Variants in EML2 observed in about 807,000 individuals in gnomAD.
The protein encoded by EML2 is EMAP like 2, also known as echinoderm microtubule-associated protein-like 2.
A neutral mutation model predicts 84.7 loss-of-function variants in EML2; 59 were observed. That is an observed-to-expected ratio of 0.70 (90% CI 0.56 to 0.86). The LOEUF is 0.86. Among genes scored for constraint, EML2 ranks in the 40% least tolerant of loss-of-function variants. The pLI is 0.00. For missense variants in EML2, 818 were observed against 855.6 expected (o/e 0.96, Z 0.55); for synonymous variants, 352 against 348.9 (o/e 1.01, Z -0.10).
At chr19:45,642,359 G>C (rs1365083401), upstream of EML2, 1 of 1,528,198 alleles carries the variant, frequency 6.5e-7, no homozygotes, top group Non-Finnish European at 8.8e-7. Context: ...TCATCTGGAA[G>C]ACGGGGGAGT....
Position 45,609,508 on chromosome 19 carries a change from C to T in EML2, c.*155G>A, listed in dbSNP as rs548970502. The T allele has an allele frequency of 6.0e-5, 51 of 846,912 alleles. No individual in the cohort carries two copies. Among genetic ancestry groups the T allele is most frequent in the African/African-American group, 1.2e-4 (7 of 56,334 alleles). 52.5% of individuals were successfully genotyped at this position (846,912 alleles called of 1,614,324 possible). On this transcript the variant is annotated 3_prime_UTR_variant, in exon 19 of 19. Coordinates refer to ENST00000245925, the MANE Select transcript of EML2 (RefSeq NM_012155.4). ...AGCGATGTGACTCCCTCTTCCCACC[C>T]GGATAAATAGAGACTTCTGTATGTC... is the stretch of plus-strand genomic sequence containing the variant.
At position 45,613,656 on chromosome 19, in the gene EML2, C is replaced by T; in HGVS notation, c.1709G>A (p.Gly570Glu). 1 of 1,613,798 alleles carries T rather than the reference C, an allele frequency of 6.2e-7. No individual in the cohort carries two copies. Among genetic ancestry groups the T allele is most frequent in the Admixed American group, 1.7e-5 (1 of 59,986 alleles). ...GFGVFGIWSE[G>E]ADGTDINAVA... ...AGCGTTGATATCAGTGCCGTCCGCCCCCTCAGACCAGATCCCTGTGGGCAA... is the reference window on the plus strand; with the variant it reads ...AGCGTTGATATCAGTGCCGTCCGCCTCCTCAGACCAGATCCCTGTGGGCAA... The change falls in exon 18 of 19, where the codon GGG (glycine) becomes GAG (glutamate). Residue 570 changes from glycine (G) to glutamate (E), a missense_variant. Gly to Glu is a moderately conservative substitution (Grantham distance 98). Transcript: ENST00000245925.
intron 12 of EML2, 109 bp downstream of exon 12, chr19:45,618,951 A>T: frequency 3.1e-6 from 1 of 323,364 alleles, no homozygotes; most frequent in Non-Finnish European, 4.6e-6. Context: ...CACCTCGAAG[A>T]AAAAAAAAAA....
intron 11 of EML2, among the ~76,000 whole-genome samples, chr19:45,619,783 G>A (rs541793422): frequency 5.9e-5 from 9 of 152,308 alleles, no homozygotes; most frequent in East Asian, 5.8e-4. Context: ...GGCCAGGTGC[G>A]GTGGCTCACG....
Position 45,617,667 on chromosome 19 carries a change from TG to T in EML2, c.1284del (p.Ser429ValfsTer10). 6.2e-7 allele frequency: 1 copy of T among 1,613,912 alleles called. No homozygotes were observed. Among genetic ancestry groups the T allele is most frequent in the Admixed American group, 1.7e-5 (1 of 59,994 alleles). ...EDPARSAGFH[P>X]SGSVLAVGTV... Reference sequence around the variant, plus strand: ...GTACCCACAGCCAGGACAGAGCCACTGGGGTGGAAGCCGGCTGAGCGGGCAG... The same window carrying T: ...GTACCCACAGCCAGGACAGAGCCACTGGGTGGAAGCCGGCTGAGCGGGCAG... On this transcript the variant is annotated frameshift_variant, in exon 13 of 19. Transcript: ENST00000245925. LOFTEE classifies it high-confidence loss of function.
chr19:45,609,840 C>A (rs764596009), intron 18 of EML2, 52 bp from the exon 19 acceptor site: 1 of 1,593,768 alleles, frequency 6.3e-7, no homozygotes, highest in Non-Finnish European at 8.5e-7. Flanking sequence ...ACAATGCCAC[C>A]CCATCATGGT....
intron 7 of EML2, among the ~76,000 whole-genome samples, chr19:45,629,498 A>G (rs962624199): frequency 6.6e-6 from 1 of 151,354 alleles, no homozygotes; most frequent in African/African-American, 2.4e-5. Flanking sequence ...CTAATTTTGT[A>G]TTTTTAGTAG....
intron 1 of EML2, 84 bp downstream of exon 1, chr19:45,639,273 G>A: frequency 7.8e-7 from 1 of 1,279,374 alleles, no homozygotes; most frequent in Non-Finnish European, 1.0e-6. Flanking sequence ...CGCCGGTCTG[G>A]GTCCCAGGGG....
chr19:45,612,395 G>C (rs1191067786), intron 18 of EML2, among the ~76,000 whole-genome samples: 3 of 152,188 alleles, frequency 2.0e-5, no homozygotes, highest in Non-Finnish European at 4.4e-5. Context: ...TACAGACCAG[G>C]ACAGGTACTG....
intron 16 of EML2, 97 bp downstream of exon 16, chr19:45,615,705 G>T: frequency 9.3e-7 from 1 of 1,075,408 alleles, no homozygotes; most frequent in East Asian, 2.4e-5. Flanking sequence ...GAATACCAAG[G>T]GAGCGAGGCT....
rs781181360 is a variant in EML2 at position 45,613,618 on chromosome 19, G to A, written c.1747C>T (p.His583Tyr). The A allele has an allele frequency of 2.5e-6, 4 of 1,614,084 alleles. No individual in the cohort carries two copies. The South Asian group carries it at 3.3e-5, about 13-fold the overall frequency. ...GTDINAVARS[H>Y]DGKLLASADD... Reference sequence around the variant, plus strand: ...GCTGAAGCCAGCAACTTCCCATCATGAGAGCGGGCCACAGCGTTGATATCA... The same window carrying A: ...GCTGAAGCCAGCAACTTCCCATCATAAGAGCGGGCCACAGCGTTGATATCA... The change falls in exon 18 of 19, where the codon CAT (histidine) becomes TAT (tyrosine). Residue 583 changes from histidine to tyrosine, a missense_variant. Coordinates refer to ENST00000245925, the MANE Select transcript of EML2 (RefSeq NM_012155.4).
Position 45,609,456 on chromosome 19 carries a change from C to G in EML2, c.*207G>C, listed in dbSNP as rs1970257324. ...TAAAAGAAAAAACTTAAAAAACACC[C>G]CAAACCAAACACCAATGGATCCCCA... On this transcript the variant is annotated 3_prime_UTR_variant, in exon 19 of 19. Coordinates refer to ENST00000245925, the MANE Select transcript of EML2 (RefSeq NM_012155.4). 1 of 521,548 alleles carries G rather than the reference C, an allele frequency of 1.9e-6. No homozygotes were observed. The highest frequency in any genetic ancestry group is 3.1e-6 in the Non-Finnish European group (1 of 319,022). 32.3% of individuals were successfully genotyped at this position (521,548 alleles called of 1,614,324 possible).
chr19:45,620,966 C>A (rs1196693834), intron 11 of EML2: 2 of 634,430 alleles, frequency 3.2e-6, no homozygotes, highest in African/African-American at 3.6e-5. Context: ...GGGTGCCACC[C>A]CCAATCAGAG....
At chr19:45,642,199 G>A (rs1226676708), upstream of EML2, 4 of 1,533,724 alleles carry the variant, frequency 2.6e-6, no homozygotes, top group East Asian at 2.4e-5. Context: ...GCGTAGCGCC[G>A]CTCCCTGTTC....
In EML2 at chr19:45,609,547, G is replaced by A. The variant is rs753193742; in HGVS notation, c.*116C>T. 5 of 482,582 alleles carry A rather than the reference G, an allele frequency of 1.0e-5. No homozygotes were observed. Among genetic ancestry groups the A allele is most frequent in the South Asian group, 4.1e-5 (1 of 24,180 alleles). 29.9% of individuals were successfully genotyped at this position (482,582 alleles called of 1,614,324 possible). ...CTTCTGTATGTCAGTCTACCCTCCC[G>A]CCCCCATAACCCCCTCTGCTATAGA... On this transcript the variant is annotated 3_prime_UTR_variant, in exon 19 of 19. Coordinates refer to ENST00000245925, the MANE Select transcript of EML2 (RefSeq NM_012155.4).
chr19:45,643,751 C>T, upstream of EML2: 1 of 1,509,738 alleles, frequency 6.6e-7, no homozygotes, highest in Middle Eastern at 1.8e-4. Context: ...CTCCCTCCTT[C>T]CCTTCGTAGC....
Position 45,624,716 on chromosome 19 carries a change from G to A in EML2, c.841+3C>T, listed in dbSNP as rs1568457198. ...GGAACCAAACAGATGGGGTGACACTGACCTTTGCCCCAAACATAGAGGTTC... is the reference window on the plus strand; with the variant it reads ...GGAACCAAACAGATGGGGTGACACTAACCTTTGCCCCAAACATAGAGGTTC... On this transcript the variant is annotated splice_donor_region_variant and intron_variant, in intron 9 of 18. Coordinates refer to ENST00000245925, the MANE Select transcript of EML2 (RefSeq NM_012155.4). The A allele has an allele frequency of 6.2e-7, 1 of 1,611,774 alleles. No individual in the cohort carries two copies. Among genetic ancestry groups the A allele is most frequent in the Non-Finnish European group, 8.5e-7 (1 of 1,178,350 alleles).
At chr19:45,642,052 G>A, upstream of EML2, 1 of 1,441,134 alleles carries the variant, frequency 6.9e-7, no homozygotes, top group Non-Finnish European at 9.1e-7. Context: ...CTGGAGGGAT[G>A]GGGTTAGGGG....
intron 16 of EML2, 75 bp downstream of exon 16, chr19:45,615,727 C>T: frequency 7.7e-7 from 1 of 1,300,778 alleles, no homozygotes; most frequent in Non-Finnish European, 1.1e-6. Context: ...GAAGCCCCTC[C>T]CTCCCCTCCC....
Sources: gnomAD v4.1 joint callset for allele counts (sites outside exome capture counted in the v4.1 genomes callset) on GRCh38, gnomAD v4.1.1 for gene constraint, MANE v1.5 for transcripts, NCBI Gene and HGNC (gene_info 2026-07-23, HGNC 2026-07-21) for gene names.